STAG1: variants seen among roughly 807,000 people sequenced by gnomAD.
STAG1 encodes the protein STAG1 cohesin complex component, also known as cohesin subunit SA-1.
STAG1 carries 26 observed loss-of-function variants against 170.9 expected under a neutral mutation model. That is an observed-to-expected ratio of 0.15 (90% CI 0.11 to 0.21). STAG1 has a LOEUF of 0.21. Ranked by LOEUF, STAG1 falls within the 10% of genes least tolerant of loss-of-function variation. The probability of loss-of-function intolerance (pLI) is 1.00; values close to 1 mark genes in which losing one functional copy is unlikely to be tolerated. For missense variants in STAG1, 964 were observed against 1,509.5 expected (o/e 0.64, Z 5.99); for synonymous variants, 514 against 497.7 (o/e 1.03, Z -0.44).
chr3:136,749,148 A>G (rs899475812), intron 1 of STAG1, among the ~76,000 whole-genome samples: 1 of 152,186 alleles, frequency 6.6e-6, no homozygotes, highest in Non-Finnish European at 1.5e-5. Context: ...CGGTGATTAT[A>G]TGACAAAATA....
At chr3:136,466,352 G>C (rs908370228) in intron 12 of STAG1, among the ~76,000 whole-genome samples, 1 of 152,156 alleles carries the variant, frequency 6.6e-6, no homozygotes, top group East Asian at 1.9e-4. Flanking sequence ...ACTACGTGAC[G>C]AATGCACAAG....
chr3:136,515,277 A>C (rs1934303859), intron 7 of STAG1, among the ~76,000 whole-genome samples: 4 of 152,148 alleles, frequency 2.6e-5, no homozygotes, highest in Non-Finnish European at 5.9e-5. Context: ...AGGCAAGAGA[A>C]TCACTTGAAC....
chr3:136,394,404 T>A lies in STAG1; in HGVS notation c.2277+4345A>T, dbSNP rs191829004. Among the ~76,000 whole-genome samples the A allele has an allele frequency of 2.1e-3, 321 of 152,166 alleles. 1 individual carries two copies. Among genetic ancestry groups the A allele is most frequent in the African/African-American group, 7.1e-3 (294 of 41,524 alleles). On this transcript the variant is annotated intron_variant, in intron 22 of 33. Transcript: ENST00000383202. ...GAGACAAATACCTAAGTAAGAAAAA[T>A]TCCACATATGCTATAAATGCACATA...
intron 2 of STAG1, among the ~76,000 whole-genome samples, chr3:136,630,099 G>A (rs1940272266): frequency 6.6e-6 from 1 of 152,146 alleles, no homozygotes; most frequent in African/African-American, 2.4e-5. Context: ...GGAGGTCGAG[G>A]CAGGAGAATC....
intron 1 of STAG1, among the ~76,000 whole-genome samples, chr3:136,679,059 A>G (rs1942244815): frequency 6.6e-6 from 1 of 152,000 alleles, no homozygotes; most frequent in South Asian, 2.1e-4. Flanking sequence ...TGCCTGCCCA[A>G]GAAATTCAAA....
intron 6 of STAG1, among the ~76,000 whole-genome samples, chr3:136,541,493 A>G (rs990509544): frequency 1.3e-5 from 2 of 150,754 alleles, no homozygotes; most frequent in African/African-American, 4.9e-5. Context: ...CTAAATGAAA[A>G]TAAGAATACT....
At chr3:136,656,617 T>TTTTGTGTGTGTGTG (rs375214863) in intron 1 of STAG1, among the ~76,000 whole-genome samples, 4 of 143,294 alleles carry the variant, frequency 2.8e-5, no homozygotes, top group African/African-American at 1.1e-4. Flanking sequence ...CTGTATTTAT[T>TTTTGTGTGTGTGTG]TGTGTGTGTG....
chr3:136,535,798 A>G (rs1259529838), intron 6 of STAG1, among the ~76,000 whole-genome samples: 3 of 152,316 alleles, frequency 2.0e-5, no homozygotes, highest in East Asian at 1.9e-4. Flanking sequence ...CATTCTATGC[A>G]TGTAAAAATA....
At position 136,570,654 on chromosome 3, in the gene STAG1, T is replaced by C. The variant is rs1576619203; in HGVS notation, c.298-1793A>G. ...ATAAATCACACTTCCACCAGCAATGTATGACATCCAGCAAGATGTGAGATT... is the reference window on the plus strand; with the variant it reads ...ATAAATCACACTTCCACCAGCAATGCATGACATCCAGCAAGATGTGAGATT... On this transcript the variant is annotated intron_variant, in intron 4 of 33. Coordinates refer to ENST00000383202, the MANE Select transcript of STAG1 (RefSeq NM_005862.3). 3.3e-5 allele frequency among the ~76,000 whole-genome samples: 5 copies of C among 152,362 alleles called. No homozygotes were observed. In the South Asian group the frequency reaches 1.0e-3, roughly 32 times the overall value.
chr3:136,477,601 A>G lies in STAG1; in HGVS notation c.903-189T>C, dbSNP rs563949791. 6.9e-4 allele frequency among the ~76,000 whole-genome samples: 105 copies of G among 151,170 alleles called. 2 individuals carry two copies. The South Asian group carries it at 0.021, about 31-fold the overall frequency. On this transcript the variant is annotated intron_variant, in intron 9 of 33. Coordinates refer to ENST00000383202, the MANE Select transcript of STAG1 (RefSeq NM_005862.3). ...ATAAACACTAATAATACCAAACTGG[A>G]AAAAAAAAGCTTCTATTAAACTATT...
chr3:136,683,512 C>T (rs1020844923), intron 1 of STAG1, among the ~76,000 whole-genome samples: 2 of 152,166 alleles, frequency 1.3e-5, no homozygotes, highest in Non-Finnish European at 2.9e-5. Context: ...GATCCACCAG[C>T]CTCGGCCTCC....
chr3:136,730,541 A>T (rs1217299448), intron 1 of STAG1, among the ~76,000 whole-genome samples: 2 of 152,236 alleles, frequency 1.3e-5, no homozygotes, highest in Non-Finnish European at 2.9e-5. Context: ...CATGTAAGCT[A>T]CTTGACACCA....
At chr3:136,689,561 C>T (rs1942647068) in intron 1 of STAG1, among the ~76,000 whole-genome samples, 1 of 152,090 alleles carries the variant, frequency 6.6e-6, no homozygotes, top group East Asian at 1.9e-4. Context: ...ATCATCAAAC[C>T]AGTAGCCATG....
intron 1 of STAG1, among the ~76,000 whole-genome samples, chr3:136,693,811 G>C (rs762891158): frequency 6.6e-6 from 1 of 151,522 alleles, no homozygotes; most frequent in Non-Finnish European, 1.5e-5. Flanking sequence ...TCAAGCCATT[G>C]ATCCTCCCAC....
At chr3:136,526,098 G>A (rs1459636305) in intron 6 of STAG1, among the ~76,000 whole-genome samples, 2 of 152,182 alleles carry the variant, frequency 1.3e-5, no homozygotes, top group African/African-American at 4.8e-5. Context: ...GAGTTCTGTA[G>A]ATGTCTATTA....
At chr3:136,428,505 C>G (rs1243855729) in intron 16 of STAG1, among the ~76,000 whole-genome samples, 2 of 152,154 alleles carry the variant, frequency 1.3e-5, no homozygotes, top group African/African-American at 4.8e-5. Context: ...CACAGTATCT[C>G]TAAATCAGCC....
intron 26 of STAG1, among the ~76,000 whole-genome samples, chr3:136,360,246 T>C (rs1180980545): frequency 2.6e-5 from 4 of 152,216 alleles, no homozygotes; most frequent in South Asian, 2.1e-4. Flanking sequence ...CCTAAAGCCA[T>C]TCCCTCCTAT....
At chr3:136,659,276 T>G (rs1469601244) in intron 1 of STAG1, among the ~76,000 whole-genome samples, 2 of 152,244 alleles carry the variant, frequency 1.3e-5, no homozygotes, top group East Asian at 1.9e-4. Context: ...TCATTATTCA[T>G]AAAACTACTT....
At chr3:136,717,554 C>T (rs985442650) in intron 1 of STAG1, among the ~76,000 whole-genome samples, 3 of 152,094 alleles carry the variant, frequency 2.0e-5, no homozygotes, top group Non-Finnish European at 4.4e-5. Context: ...GTCTCAGCTA[C>T]GTGGGAGGCT....
Sources: allele counts gnomAD v4.1 joint callset (sites outside exome capture counted in the v4.1 genomes callset), GRCh38; gene constraint gnomAD v4.1.1; transcripts MANE v1.5; gene names NCBI Gene and HGNC (gene_info 2026-07-23, HGNC 2026-07-21).